The following SMYD3 variants were observed in gnomAD, a reference collection of about 807,000 sequenced individuals.
SMYD3 encodes SET and MYND domain containing 3.
A neutral mutation model predicts 57.7 loss-of-function variants in SMYD3; 36 were observed. The observed-to-expected ratio is 0.62, with a 90% CI of 0.48 to 0.82. SMYD3 has a LOEUF of 0.82. Among genes scored for constraint, SMYD3 ranks in the 40% least tolerant of loss-of-function variants. The pLI is 0.00. For missense variants in SMYD3, 515 were observed against 538.8 expected (o/e 0.96, Z 0.44); for synonymous variants, 211 against 195.0 (o/e 1.08, Z -0.68).
chr1:246,316,984 A>T (rs960535203), intron 5 of SMYD3, among the ~76,000 whole-genome samples: 3 of 151,208 alleles, frequency 2.0e-5, no homozygotes, highest in Non-Finnish European at 2.9e-5. Context: ...ACAAAGTGAG[A>T]CTCCTACTCA....
At chr1:246,023,015 A>T (rs2059500296) in intron 5 of SMYD3, among the ~76,000 whole-genome samples, 1 of 152,226 alleles carries the variant, frequency 6.6e-6, no homozygotes, top group Admixed American at 6.5e-5. Flanking sequence ...ATTTTTAAGC[A>T]TCAATAAAGT....
chr1:246,040,382 G>A (rs1013328698), intron 5 of SMYD3, among the ~76,000 whole-genome samples: 5 of 151,830 alleles, frequency 3.3e-5, no homozygotes, highest in Non-Finnish European at 7.4e-5. Flanking sequence ...AAGTGCTGCC[G>A]CTTATCTTTT....
chr1:246,030,707 A>G (rs1179514762), intron 5 of SMYD3, among the ~76,000 whole-genome samples: 1 of 152,214 alleles, frequency 6.6e-6, no homozygotes, highest in Non-Finnish European at 1.5e-5. Context: ...AAAGGAAAAA[A>G]GGAGTTGCAC....
At chr1:246,303,788 T>C (rs1431804968) in intron 5 of SMYD3, among the ~76,000 whole-genome samples, 2 of 152,210 alleles carry the variant, frequency 1.3e-5, no homozygotes, top group Admixed American at 6.5e-5. Context: ...ACATTTAAAA[T>C]AGCATTCTAA....
intron 5 of SMYD3, among the ~76,000 whole-genome samples, chr1:246,126,298 C>G (rs1051188335): frequency 9.9e-5 from 15 of 152,224 alleles, no homozygotes; most frequent in African/African-American, 3.4e-4. Flanking sequence ...CTAGACAGGA[C>G]AGCCTTAGAT....
chr1:245,981,981 T>A (rs1218653351), intron 5 of SMYD3, among the ~76,000 whole-genome samples: 1 of 152,216 alleles, frequency 6.6e-6, no homozygotes, highest in African/African-American at 2.4e-5. Context: ...CCCACGGTCA[T>A]GGGGACCTTG....
intron 2 of SMYD3, among the ~76,000 whole-genome samples, chr1:246,339,213 T>C (rs1039426896): frequency 5.9e-5 from 9 of 152,170 alleles, no homozygotes; most frequent in African/African-American, 1.9e-4. Flanking sequence ...GAGTTACCAA[T>C]ACAACACGGC....
intron 10 of SMYD3, among the ~76,000 whole-genome samples, chr1:245,833,073 A>AAAAAAAAAAC: frequency 9.3e-5 from 12 of 128,636 alleles, no homozygotes; most frequent in African/African-American, 1.5e-4. Context: ...AAAAAAAAAA[A>AAAAAAAAAAC]AACCTGCTTT....
intron 8 of SMYD3, among the ~76,000 whole-genome samples, chr1:245,899,133 C>G (rs2054019940): frequency 6.6e-6 from 1 of 151,958 alleles, no homozygotes. Context: ...TTCTAGGTTC[C>G]AAGAAAAGCA....
chr1:245,907,032 CAGAG>C (rs1287539123), intron 8 of SMYD3, among the ~76,000 whole-genome samples: 3 of 152,060 alleles, frequency 2.0e-5, no homozygotes, highest in Non-Finnish European at 2.9e-5. Flanking sequence ...AACTCATGGA[CAGAG>C]AGAGTAGAAG....
intron 5 of SMYD3, among the ~76,000 whole-genome samples, chr1:246,058,936 A>G (rs1270662779): frequency 4.0e-5 from 6 of 149,470 alleles, no homozygotes; most frequent in Non-Finnish European, 5.9e-5. Flanking sequence ...GTGCAGTGGC[A>G]TGATCTCCGC....
intron 5 of SMYD3, among the ~76,000 whole-genome samples, chr1:246,007,658 A>G (rs1051695089): frequency 1.4e-4 from 22 of 151,970 alleles, no homozygotes; most frequent in Admixed American, 2.6e-4. Flanking sequence ...AAAATAGAAA[A>G]AAAAAAAAAT....
chr1:246,345,656 T>A (rs1253059158), intron 2 of SMYD3, among the ~76,000 whole-genome samples: 2 of 152,154 alleles, frequency 1.3e-5, no homozygotes, highest in Admixed American at 1.3e-4. Flanking sequence ...GTGTTGACAT[T>A]TTAAAAACCT....
intron 5 of SMYD3, among the ~76,000 whole-genome samples, chr1:246,112,550 A>G (rs1284222095): frequency 4.6e-5 from 7 of 152,224 alleles, no homozygotes; most frequent in Admixed American, 4.6e-4. Context: ...TGCTAACAAA[A>G]AAGGGATCAG....
chr1:246,135,643 C>T (rs1026483157), intron 5 of SMYD3, among the ~76,000 whole-genome samples: 1 of 152,106 alleles, frequency 6.6e-6, no homozygotes, highest in African/African-American at 2.4e-5. Flanking sequence ...CTCAGACACA[C>T]ACACACACAC....
chr1:246,081,107 C>T (rs1045906848), intron 5 of SMYD3, among the ~76,000 whole-genome samples: 1 of 152,180 alleles, frequency 6.6e-6, no homozygotes, highest in Non-Finnish European at 1.5e-5. Flanking sequence ...AATTTAACTC[C>T]TATGACCTTA....
At position 245,888,098 on chromosome 1, in the gene SMYD3, G is replaced by T. The variant is rs2053185229; in HGVS notation, c.814-24212C>A. ...TGTTGGGGTGAGTCAGGGCTCCCTG[G>T]ACTCTCCACAGCAGCTAATGCTTCA... On this transcript the variant is annotated intron_variant, in intron 8 of 11. Transcript: ENST00000490107. 3.3e-5 allele frequency among the ~76,000 whole-genome samples: 5 copies of T among 152,244 alleles called. No individual in the cohort carries two copies. In the South Asian group the frequency reaches 1.0e-3, roughly 32 times the overall value.
At chr1:245,789,982 G>T (rs2047200639) in intron 10 of SMYD3, among the ~76,000 whole-genome samples, 1 of 152,134 alleles carries the variant, frequency 6.6e-6, no homozygotes, top group South Asian at 2.1e-4. Flanking sequence ...ACCCATTATG[G>T]GCCAGACACT....
At position 246,069,920 on chromosome 1, in the gene SMYD3, G is replaced by A. The variant is rs186802743; in HGVS notation, c.532-139983C>T. Among the ~76,000 whole-genome samples the A allele has an allele frequency of 9.2e-5, 14 of 152,252 alleles. No individual in the cohort carries two copies. In the East Asian group the frequency reaches 2.1e-3, roughly 23 times the overall value. The stretch of plus-strand genomic sequence containing the variant: ...ATCATCTCCCCCACATCCCTCCTAC[G>A]TGGAGCCTTAGTTTGGGGGGAAGTG... On this transcript the variant is annotated intron_variant, in intron 5 of 11. Transcript: ENST00000490107.
Sources: allele counts gnomAD v4.1 joint callset (sites outside exome capture counted in the v4.1 genomes callset), GRCh38; gene constraint gnomAD v4.1.1; transcripts MANE v1.5; gene names NCBI Gene and HGNC (gene_info 2026-07-23, HGNC 2026-07-21).